DPYS: variants seen among roughly 807,000 people sequenced by gnomAD.
The protein encoded by DPYS is dihydropyrimidinase.
In DPYS, 39 loss-of-function variants were observed where a neutral mutation model predicts 50.3. That is an observed-to-expected ratio of 0.78 (90% CI 0.60 to 1.01). The LOEUF (loss-of-function observed/expected upper bound fraction) is 1.01, where lower values mean the gene tolerates loss of function less well. Ranked by LOEUF, DPYS falls within the 50% of genes least tolerant of loss-of-function variation. DPYS has a pLI of 0.00. For synonymous variants in DPYS, 245 were observed against 250.7 expected, an observed-to-expected ratio of 0.98 and a Z score of 0.22; for missense variants, 659 against 680.9, an observed-to-expected ratio of 0.97 and a Z score of 0.36.
intron 4 of DPYS, among the ~76,000 whole-genome samples, chr8:104,441,831 T>C (rs144576784): frequency 9.8e-5 from 15 of 152,352 alleles, no homozygotes; most frequent in African/African-American, 3.1e-4. Flanking sequence ...TGTCCATCAA[T>C]AGGGGACTTG....
At chr8:104,423,832 G>T in intron 7 of DPYS, 1 of 379,482 alleles carries the variant, frequency 2.6e-6, no homozygotes, top group Non-Finnish European at 3.6e-6. Context: ...AACTGAAAGT[G>T]ACATCCTTTG....
chr8:104,414,327 T>G (rs756323919), intron 7 of DPYS, among the ~76,000 whole-genome samples: 1 of 152,074 alleles, frequency 6.6e-6, no homozygotes, highest in African/African-American at 2.4e-5. Flanking sequence ...CAAACTTGAG[T>G]GTGTATCAGA....
intron 7 of DPYS, among the ~76,000 whole-genome samples, chr8:104,409,105 T>C (rs1400035909): frequency 6.6e-6 from 1 of 151,872 alleles, no homozygotes; most frequent in Admixed American, 6.6e-5. Context: ...CACACATGTT[T>C]AATGGCACTG....
At chr8:104,449,228 G>GA (rs886779625) in intron 2 of DPYS, among the ~76,000 whole-genome samples, 12 of 150,712 alleles carry the variant, frequency 8.0e-5, no homozygotes, top group Non-Finnish European at 1.2e-4. Context: ...TTTATAGTCA[G>GA]AAAAAAAAAT....
At chr8:104,379,952 G>T (rs960645634) in intron 9 of DPYS, 109 bp from the exon 10 acceptor site, 9 of 387,558 alleles carry the variant, frequency 2.3e-5, no homozygotes, top group African/African-American at 8.4e-5. Context: ...CACTAATCCT[G>T]CTCCTATAAA....
At chr8:104,430,312 T>C (rs1812909995) in intron 4 of DPYS, among the ~76,000 whole-genome samples, 1 of 151,334 alleles carries the variant, frequency 6.6e-6, no homozygotes, top group African/African-American at 2.4e-5. Context: ...ACTCAGATAA[T>C]AAAGTCTTAG....
At chr8:104,410,605 T>C (rs1812141735) in intron 7 of DPYS, among the ~76,000 whole-genome samples, 1 of 152,066 alleles carries the variant, frequency 6.6e-6, no homozygotes, top group Admixed American at 6.6e-5. Flanking sequence ...TTTACAGCCA[T>C]GTACTCTACA....
At chr8:104,399,738 G>A (rs983847067) in intron 7 of DPYS, among the ~76,000 whole-genome samples, 12 of 151,390 alleles carry the variant, frequency 7.9e-5, no homozygotes, top group East Asian at 5.8e-4. Context: ...GTGTGGTGGC[G>A]GGCACCTGTA....
At chr8:104,456,895 G>C (rs1439288452) in intron 1 of DPYS, among the ~76,000 whole-genome samples, 1 of 152,096 alleles carries the variant, frequency 6.6e-6, no homozygotes, top group Admixed American at 6.5e-5. Context: ...TCTAACAGTG[G>C]GTCATAATAT....
intron 2 of DPYS, among the ~76,000 whole-genome samples, chr8:104,450,779 A>G (rs1443407524): frequency 2.0e-5 from 3 of 152,236 alleles, no homozygotes; most frequent in African/African-American, 7.2e-5. Flanking sequence ...AAGAAGGCTC[A>G]TGAGTGGGAA....
chr8:104,397,859 G>T (rs186082381), intron 7 of DPYS, among the ~76,000 whole-genome samples: 48 of 152,300 alleles, frequency 3.2e-4, no homozygotes, highest in African/African-American at 2.9e-4. Flanking sequence ...CCTGCCATCA[G>T]AAAGTTTTAA....
chr8:104,402,986 C>T (rs766380957), intron 7 of DPYS, among the ~76,000 whole-genome samples: 3 of 152,178 alleles, frequency 2.0e-5, no homozygotes, highest in Non-Finnish European at 2.9e-5. Context: ...GGACAATGAT[C>T]GGGATATAAA....
In DPYS at chr8:104,426,391, A is replaced by G. The variant is rs543058814; in HGVS notation, c.1092+1589T>C. Among the ~76,000 whole-genome samples, 3 of 152,348 alleles carry G rather than the reference A, an allele frequency of 2.0e-5. No homozygotes were observed. The South Asian group carries it at 6.2e-4, about 32-fold the overall frequency. ...AACAAGAGTTCTTGTACTGGAGTAAAGAATACACTGTAGCAAGTGAGACTC... is the reference window on the plus strand; with the variant it reads ...AACAAGAGTTCTTGTACTGGAGTAAGGAATACACTGTAGCAAGTGAGACTC... On this transcript the variant is annotated intron_variant, in intron 6 of 9. Coordinates refer to ENST00000351513, the MANE Select transcript of DPYS (RefSeq NM_001385.3).
chr8:104,453,321 A>C (rs1352345808), intron 1 of DPYS, among the ~76,000 whole-genome samples: 5 of 152,188 alleles, frequency 3.3e-5, no homozygotes. Context: ...AATACTAGGA[A>C]AAAAATTCCT....
intron 7 of DPYS, among the ~76,000 whole-genome samples, chr8:104,398,301 G>T (rs1811657478): frequency 6.6e-6 from 1 of 152,202 alleles, no homozygotes; most frequent in Non-Finnish European, 1.5e-5. Flanking sequence ...CTGTGACAGA[G>T]ATTCTAGCAG....
intron 6 of DPYS, 24 bp from the exon 7 acceptor site, chr8:104,424,413 T>C (rs768357180): frequency 6.2e-7 from 1 of 1,611,822 alleles, no homozygotes; most frequent in South Asian, 1.1e-5. Context: ...CAAAGAATCA[T>C]TCTAATGATC....
chr8:104,410,739 T>C (rs1812146208), intron 7 of DPYS, among the ~76,000 whole-genome samples: 1 of 152,200 alleles, frequency 6.6e-6, no homozygotes, highest in South Asian at 2.1e-4. Context: ...ATACTTCACC[T>C]AACATTCAAA....
At chr8:104,409,014 A>G (rs1429816028) in intron 7 of DPYS, among the ~76,000 whole-genome samples, 1 of 151,542 alleles carries the variant, frequency 6.6e-6, no homozygotes, top group Non-Finnish European at 1.5e-5. Flanking sequence ...AGGTTTCACC[A>G]TGTTGGCCAG....
intron 4 of DPYS, among the ~76,000 whole-genome samples, chr8:104,440,416 C>A (rs760298473): frequency 1.3e-5 from 2 of 152,146 alleles, no homozygotes; most frequent in Non-Finnish European, 2.9e-5. Flanking sequence ...CTCTGCATGT[C>A]TAAGGAGCAA....
Sources: allele counts gnomAD v4.1 joint callset (sites outside exome capture counted in the v4.1 genomes callset), GRCh38; gene constraint gnomAD v4.1.1; transcripts MANE v1.5; gene names NCBI Gene and HGNC (gene_info 2026-07-23, HGNC 2026-07-21).